NRF1: variants seen among roughly 807,000 people sequenced by gnomAD.
NRF1 encodes the protein nuclear respiratory factor 1, also known as alpha palindromic-binding protein.
A neutral mutation model predicts 58.5 loss-of-function variants in NRF1; 5 were observed. The ratio of observed to expected loss-of-function variants is 0.09; its 90% CI spans 0.04 to 0.18. The LOEUF is 0.18. NRF1 is among the 10% of genes least tolerant of loss of function. The pLI is 1.00. For missense variants in NRF1, 288 were observed against 657.7 expected (o/e 0.44, Z 6.15); for synonymous variants, 224 against 246.7 (o/e 0.91, Z 0.86).
intron 1 of NRF1, among the ~76,000 whole-genome samples, chr7:129,628,878 A>G (rs1800980062): frequency 1.3e-5 from 2 of 152,230 alleles, no homozygotes; most frequent in South Asian, 4.1e-4. Flanking sequence ...ATGATTTTGT[A>G]ACATCATCTA....
At chr7:129,650,156 AT>A (rs1036593724) in intron 1 of NRF1, among the ~76,000 whole-genome samples, 10 of 150,336 alleles carry the variant, frequency 6.7e-5, no homozygotes, top group East Asian at 3.9e-4. Context: ...GCTTGGGGGA[AT>A]TTTTTTTCTT....
At chr7:129,737,484 T>C (rs1397395663) in intron 10 of NRF1, among the ~76,000 whole-genome samples, 1 of 152,220 alleles carries the variant, frequency 6.6e-6, no homozygotes, top group Non-Finnish European at 1.5e-5. Flanking sequence ...CATTTTTACT[T>C]ACTGCATGTC....
At chr7:129,735,143 A>G (rs1803676294) in intron 10 of NRF1, 1 of 985,340 alleles carries the variant, frequency 1.0e-6, no homozygotes, top group Non-Finnish European at 1.2e-6. Context: ...AGCACTGAAG[A>G]CTCAGAAACC....
chr7:129,690,628 G>T, intron 5 of NRF1, 82 bp downstream of exon 5: 2 of 1,472,878 alleles, frequency 1.4e-6, no homozygotes, highest in South Asian at 1.2e-5. Context: ...TCTGCATTTT[G>T]TCCTCAGTGA....
chr7:129,614,475 A>C (rs1800619452), intron 1 of NRF1, among the ~76,000 whole-genome samples: 2 of 28,520 alleles, frequency 7.0e-5, no homozygotes, highest in South Asian at 1.5e-3. Context: ...GTACATACAT[A>C]TATATAATTT....
At chr7:129,623,913 T>C (rs895515649) in intron 1 of NRF1, among the ~76,000 whole-genome samples, 2 of 152,110 alleles carry the variant, frequency 1.3e-5, no homozygotes, top group Non-Finnish European at 2.9e-5. Flanking sequence ...TGGCGGGAGG[T>C]AGAGAATCTG....
intron 10 of NRF1, among the ~76,000 whole-genome samples, chr7:129,752,934 C>T (rs930614213): frequency 3.3e-5 from 5 of 152,222 alleles, no homozygotes; most frequent in East Asian, 1.9e-4. Context: ...AGTGTGGGGG[C>T]GACTGGCCAC....
At chr7:129,718,890 A>G (rs1046922291) in intron 9 of NRF1, among the ~76,000 whole-genome samples, 2 of 152,222 alleles carry the variant, frequency 1.3e-5, no homozygotes, top group African/African-American at 4.8e-5. Context: ...TATAATGAGG[A>G]TAAGACTCAT....
chr7:129,640,571 TA>T (rs1030999839), intron 1 of NRF1, among the ~76,000 whole-genome samples: 3 of 152,098 alleles, frequency 2.0e-5, no homozygotes, highest in Admixed American at 6.5e-5. Flanking sequence ...GCTTGAAGAT[TA>T]ATTAATTAAT....
At chr7:129,734,662 C>T (rs1421394023) in intron 10 of NRF1, among the ~76,000 whole-genome samples, 2 of 152,186 alleles carry the variant, frequency 1.3e-5, no homozygotes, top group African/African-American at 4.8e-5. Context: ...GTATGCTTCT[C>T]CGGTTGCAGA....
At chr7:129,644,745 CT>C in intron 1 of NRF1, among the ~76,000 whole-genome samples, 1 of 152,294 alleles carries the variant, frequency 6.6e-6, no homozygotes, top group Admixed American at 6.5e-5. Context: ...TGACTTAACT[CT>C]TCTCTATGGA....
intron 5 of NRF1, among the ~76,000 whole-genome samples, chr7:129,703,070 G>T: frequency 6.6e-6 from 1 of 152,136 alleles, no homozygotes; most frequent in Non-Finnish European, 1.5e-5. Flanking sequence ...GAGTTTTAGA[G>T]AACCTTTTAT....
rs145764248 is a variant in NRF1, at chr7:129,729,723, C to T, written c.1348+2358C>T. 3.0e-4 allele frequency among the ~76,000 whole-genome samples: 46 copies of T among 152,314 alleles called. No homozygotes were observed. The East Asian group carries it at 8.7e-3, about 29-fold the overall frequency. On this transcript the variant is annotated intron_variant, in intron 10 of 10. Transcript: ENST00000393232. ...TATAGTATTTACTTTGGGATTGGAA[C>T]CAGATTTTTCCCTCTTAATCAGCAA...
At position 129,755,546 on chromosome 7, in the gene NRF1, CATAT is replaced by C. The variant is rs10580617; in HGVS notation, c.*380_*383del. 73,273 of 147,852 alleles carry C rather than the reference CATAT, an allele frequency of 0.5. 18,128 individuals carry two copies. The highest frequency in any genetic ancestry group is 0.56 in the East Asian group (2,851 of 5,106). The allele number at this position is 147,852 out of a possible 1,614,324, so 9.2% of individuals were successfully genotyped here. A position where few individuals can be genotyped will look rare whatever the true frequency, so the allele number is the denominator to read the frequency against. ...TACATATATATAAAGTATATATATA[CATAT>C]ATATATATATATATGTATGAAACCC... On this transcript the variant is annotated 3_prime_UTR_variant, in exon 11 of 11. Transcript: ENST00000393232. The surrounding 1 kb of genome is among the most constrained non-coding windows in gnomAD (Gnocchi z 5.8).
chr7:129,704,381 C>T (rs1802902389), intron 5 of NRF1, among the ~76,000 whole-genome samples: 1 of 152,052 alleles, frequency 6.6e-6, no homozygotes, highest in Non-Finnish European at 1.5e-5. Context: ...ACAGTGTGTT[C>T]AGTATTAGTA....
chr7:129,715,679 G>A (rs1164416483), intron 8 of NRF1, among the ~76,000 whole-genome samples: 1 of 152,164 alleles, frequency 6.6e-6, no homozygotes, highest in African/African-American at 2.4e-5. Flanking sequence ...GCAAAAGACT[G>A]TAAACCACTT....
At chr7:129,745,506 ACC>A (rs35406699) in intron 10 of NRF1, among the ~76,000 whole-genome samples, 19 of 112,580 alleles carry the variant, frequency 1.7e-4, no homozygotes, top group South Asian at 3.1e-4. Context: ...ATCCCCCTCA[ACC>A]CCCCCCCCAT....
intron 2 of NRF1, among the ~76,000 whole-genome samples, chr7:129,666,338 T>C (rs1801920728): frequency 6.6e-6 from 1 of 152,226 alleles, no homozygotes; most frequent in Non-Finnish European, 1.5e-5. Flanking sequence ...TATTTGCTAT[T>C]ATGTGTCTGT....
At position 129,727,334 on chromosome 7, in the gene NRF1, C is replaced by G. The variant is rs1162957196; in HGVS notation, c.1317C>G (p.Val439=). The change falls in exon 10 of 11, where the codon GTC becomes GTG. Residue 439 remains valine, a synonymous_variant. Transcript: ENST00000393232. ...IVLSGETAAA[V]GALTGVQDAN... ...TGTCTGGGGAAACCGCAGCAGCCGTCGGAGCACTTACTGGAGTCCAAGATG... is the reference window on the plus strand; with the variant it reads ...TGTCTGGGGAAACCGCAGCAGCCGTGGGAGCACTTACTGGAGTCCAAGATG... 1.9e-6 allele frequency: 3 copies of G among 1,607,314 alleles called. No homozygotes were observed. Among genetic ancestry groups the G allele is most frequent in the Non-Finnish European group, 1.7e-6 (2 of 1,177,838 alleles).
Sources: allele counts gnomAD v4.1 joint callset (sites outside exome capture counted in the v4.1 genomes callset), GRCh38; gene constraint gnomAD v4.1.1; non-coding constraint Gnocchi (gnomAD v3.1); transcripts MANE v1.5; gene names NCBI Gene and HGNC (gene_info 2026-07-23, HGNC 2026-07-21).